The following GRM5 variants were observed in gnomAD, a reference collection of about 807,000 sequenced individuals.
GRM5 encodes metabotropic glutamate receptor 5.
A neutral mutation model predicts 83.1 loss-of-function variants in GRM5; 19 were observed. The ratio of observed to expected loss-of-function variants is 0.23; its 90% confidence interval spans 0.16 to 0.34. The LOEUF is 0.34. Among genes scored for constraint, GRM5 ranks in the 10% least tolerant of loss-of-function variants. The pLI, the probability that GRM5 is intolerant of heterozygous loss-of-function variation, is 1.00. For synonymous variants in GRM5, 675 were observed against 633.6 expected (o/e 1.07, Z -0.98); for missense variants, 1,160 against 1,588.3 (o/e 0.73, Z 4.58).
chr11:88,871,383 A>G (rs2135561788), intron 2 of GRM5, among the ~76,000 whole-genome samples: 1 of 151,806 alleles, frequency 6.6e-6, no homozygotes, highest in Middle Eastern at 3.4e-3. Flanking sequence ...CTGGAAATAG[A>G]GGAGACCTAC....
chr11:88,777,757 C>A (rs1239620810), intron 3 of GRM5, among the ~76,000 whole-genome samples: 4 of 152,156 alleles, frequency 2.6e-5, no homozygotes, highest in Non-Finnish European at 4.4e-5. Flanking sequence ...CTGGGTATCA[C>A]CAGTGGAGGC....
chr11:88,758,512 CTGAAA>C (rs1232446226), intron 3 of GRM5, among the ~76,000 whole-genome samples: 2 of 151,984 alleles, frequency 1.3e-5, no homozygotes, highest in Admixed American at 1.3e-4. Context: ...GACTGGCTTT[CTGAAA>C]TAAGACAGTC....
chr11:88,871,731 C>T (rs542379371), intron 2 of GRM5, among the ~76,000 whole-genome samples: 85 of 151,600 alleles, frequency 5.6e-4, no homozygotes, highest in African/African-American at 2.0e-3. Context: ...TATTTTCATT[C>T]TTCAGAGTTA....
intron 2 of GRM5, among the ~76,000 whole-genome samples, chr11:88,987,005 G>A (rs1337178223): frequency 6.6e-6 from 1 of 152,002 alleles, no homozygotes; most frequent in Admixed American, 6.5e-5. Context: ...GGGGGAAGGA[G>A]CCAAGATGGC....
At chr11:89,005,443 G>A (rs1940498137) in intron 2 of GRM5, among the ~76,000 whole-genome samples, 1 of 152,194 alleles carries the variant, frequency 6.6e-6, no homozygotes, top group Admixed American at 6.5e-5. Context: ...AAGTCAAGGT[G>A]TAATTTTCCG....
intron 4 of GRM5, among the ~76,000 whole-genome samples, chr11:88,617,311 G>A (rs1431032721): frequency 6.6e-6 from 1 of 152,182 alleles, no homozygotes; most frequent in African/African-American, 2.4e-5. Context: ...CAGAGCTGGA[G>A]AAGCTAGTTG....
chr11:88,854,058 G>GTATATATATATATATATATATA (rs10525785), intron 2 of GRM5, among the ~76,000 whole-genome samples: 1,593 of 120,280 alleles, frequency 0.013, 36 homozygotes, highest in African/African-American at 0.026. Context: ...AAAATGTGGT[G>GTATATATATATATATATATATA]TATATATATA....
intron 1 of GRM5, among the ~76,000 whole-genome samples, chr11:89,057,057 A>G (rs1462793380): frequency 2.0e-5 from 3 of 152,128 alleles, no homozygotes; most frequent in Non-Finnish European, 4.4e-5. Flanking sequence ...ATTGTCCTTT[A>G]TTTTCAACAA....
Position 88,734,648 on chromosome 11 carries a change from C to T in GRM5, c.912-81245G>A, listed in dbSNP as rs186710780. Among the ~76,000 whole-genome samples the T allele has an allele frequency of 5.6e-4, 85 of 152,126 alleles. 1 individual carries two copies. Among genetic ancestry groups the T allele is most frequent in the African/African-American group, 1.9e-3 (80 of 41,536 alleles). Reference sequence around the variant, plus strand: ...TAGTAAATTCTCTTGGTTACAGTTACTTAACATGCTGTAACTTTGTAACTT... The same window carrying T: ...TAGTAAATTCTCTTGGTTACAGTTATTTAACATGCTGTAACTTTGTAACTT... On this transcript the variant is annotated intron_variant, in intron 3 of 9. Transcript: ENST00000305447.
chr11:89,039,056 G>T (rs376936574), intron 2 of GRM5, among the ~76,000 whole-genome samples: 1 of 151,988 alleles, frequency 6.6e-6, no homozygotes, highest in South Asian at 2.1e-4. Flanking sequence ...ATGAGGTCAG[G>T]AGATCAAGAA....
rs191959882 is a variant in GRM5 at position 88,865,355 on chromosome 11, T to C, written c.662-15200A>G. On this transcript the variant is annotated intron_variant, in intron 2 of 9. Coordinates refer to ENST00000305447, the MANE Select transcript of GRM5 (RefSeq NM_001143831.3). The stretch of plus-strand genomic sequence containing the variant: ...ATGGTGTTGGGAAAACTGGCTAGCC[T>C]TATGCAGAAAACGAAAACTGGATCC... Among the ~76,000 whole-genome samples the C allele has an allele frequency of 8.3e-4, 126 of 152,190 alleles. 2 individuals are homozygous for C. In the Middle Eastern group the frequency reaches 0.017, roughly 21 times the overall value.
chr11:88,913,572 T>G lies in GRM5; in HGVS notation c.662-63417A>C, dbSNP rs1050589630. ...TACAGTTCCATATCTTCTTTTTTTT[T>G]CCTTCTCTCTCTCTCTTTTTTTTTT... On this transcript the variant is annotated intron_variant, in intron 2 of 9. Coordinates refer to ENST00000305447, the MANE Select transcript of GRM5 (RefSeq NM_001143831.3). Among the ~76,000 whole-genome samples, 10 of 140,708 alleles carry G rather than the reference T, an allele frequency of 7.1e-5. 1 individual carries two copies. The highest frequency in any genetic ancestry group is 3.6e-3 in the Middle Eastern group (1 of 278). The allele number at this position is 140,708 out of a possible 152,430, so 92.3% of individuals were successfully genotyped here. A position where few individuals can be genotyped will look rare whatever the true frequency, so the allele number is the denominator to read the frequency against.
At chr11:88,658,038 G>A (rs749613698) in intron 3 of GRM5, among the ~76,000 whole-genome samples, 2 of 152,054 alleles carry the variant, frequency 1.3e-5, no homozygotes, top group African/African-American at 4.8e-5. Context: ...TGTCCTGTTC[G>A]GAACCTGGCT....
chr11:89,005,245 T>G (rs182431896), intron 2 of GRM5, among the ~76,000 whole-genome samples: 5 of 152,246 alleles, frequency 3.3e-5, no homozygotes, highest in African/African-American at 1.2e-4. Context: ...TCAGAGCTTG[T>G]TGAAAGACTC....
chr11:88,717,352 T>C (rs912513928), intron 3 of GRM5, among the ~76,000 whole-genome samples: 4 of 151,960 alleles, frequency 2.6e-5, no homozygotes, highest in Non-Finnish European at 4.4e-5. Context: ...ATGATCATAG[T>C]GGCTAACATT....
At chr11:88,896,283 C>G (rs1211390178) in intron 2 of GRM5, among the ~76,000 whole-genome samples, 1 of 151,666 alleles carries the variant, frequency 6.6e-6, no homozygotes, top group African/African-American at 2.4e-5. Flanking sequence ...TTCAAACTTT[C>G]CTGAACATTC....
chr11:88,550,867 A>G (rs1942491961), intron 8 of GRM5, among the ~76,000 whole-genome samples: 2 of 152,162 alleles, frequency 1.3e-5, no homozygotes, highest in South Asian at 4.1e-4. Context: ...CTGGTAGCTA[A>G]GCTAATGGAC....
intron 3 of GRM5, among the ~76,000 whole-genome samples, chr11:88,726,689 C>A (rs1941688762): frequency 6.6e-6 from 1 of 152,184 alleles, no homozygotes; most frequent in African/African-American, 2.4e-5. Flanking sequence ...AACAGTGGAT[C>A]TCTTGGCAGA....
intron 3 of GRM5, among the ~76,000 whole-genome samples, chr11:88,756,092 T>C (rs1341577505): frequency 1.3e-5 from 2 of 152,196 alleles, no homozygotes; most frequent in Non-Finnish European, 2.9e-5. Flanking sequence ...TAGGGATTGG[T>C]GATCCATAAA....
Sources: gnomAD v4.1 joint callset for allele counts (sites outside exome capture counted in the v4.1 genomes callset) on GRCh38, gnomAD v4.1.1 for gene constraint, MANE v1.5 for transcripts, NCBI Gene and HGNC (gene_info 2026-07-23, HGNC 2026-07-21) for gene names.